Variants in SHANK2 observed in about 807,000 individuals in gnomAD.
SHANK2 encodes SH3 and multiple ankyrin repeat domains protein 2.
Under a neutral mutation model 133.7 loss-of-function variants are expected in SHANK2, and 43 were observed. The ratio of observed to expected loss-of-function variants is 0.32; its 90% CI spans 0.25 to 0.41. The LOEUF is 0.41. Ranked by LOEUF, SHANK2 falls within the 10% of genes least tolerant of loss-of-function variation. SHANK2 has a pLI of 1.00. For synonymous variants in SHANK2, 1,017 were observed against 952.8 expected, an observed-to-expected ratio of 1.07 and a Z score of -1.24; for missense variants, 1,994 against 2,235.8, an observed-to-expected ratio of 0.89 and a Z score of 2.18.
chr11:70,578,067 G>T (rs970675845), intron 17 of SHANK2, among the ~76,000 whole-genome samples: 1 of 152,124 alleles, frequency 6.6e-6, no homozygotes, highest in Non-Finnish European at 1.5e-5. Context: ...CGTGTAAGCC[G>T]CCCAGTCTGT....
At chr11:71,203,176 A>G (rs1351185408) in intron 2 of SHANK2, among the ~76,000 whole-genome samples, 2 of 152,120 alleles carry the variant, frequency 1.3e-5, no homozygotes, top group Non-Finnish European at 2.9e-5. Flanking sequence ...GGGGAGGCGC[A>G]GGGTCTAGGG....
At chr11:70,595,256 G>A (rs1262076808) in intron 17 of SHANK2, among the ~76,000 whole-genome samples, 7 of 152,158 alleles carry the variant, frequency 4.6e-5, no homozygotes, top group African/African-American at 7.2e-5. Context: ...CAGCCCGGCC[G>A]TCCACCCCGA....
chr11:71,086,068 A>AATATATTATGTTATATAATATATT (rs1951401776), intron 8 of SHANK2, among the ~76,000 whole-genome samples: 3 of 64,704 alleles, frequency 4.6e-5, no homozygotes, highest in African/African-American at 1.3e-4. Context: ...TATATTATAT[A>AATATATTATGTTATATAATATATT]ATATATTATG....
intron 17 of SHANK2, among the ~76,000 whole-genome samples, chr11:70,554,692 G>A (rs2059807417): frequency 6.6e-6 from 1 of 151,928 alleles, no homozygotes; most frequent in African/African-American, 2.4e-5. Flanking sequence ...TTGTATATTC[G>A]TTGGTTGTAA....
At chr11:70,595,727 C>T (rs889940746) in intron 17 of SHANK2, among the ~76,000 whole-genome samples, 3 of 152,216 alleles carry the variant, frequency 2.0e-5, no homozygotes, top group Non-Finnish European at 4.4e-5. Flanking sequence ...CCCCGGGTAG[C>T]GGGGGAAGAT....
At chr11:70,880,768 GA>G in intron 11 of SHANK2, among the ~76,000 whole-genome samples, 1 of 152,196 alleles carries the variant, frequency 6.6e-6, no homozygotes, top group Non-Finnish European at 1.5e-5. Context: ...TCCCTCCATA[GA>G]ACAAGGAGGA....
chr11:70,861,032 G>A (rs782510368), intron 11 of SHANK2, among the ~76,000 whole-genome samples: 14 of 152,214 alleles, frequency 9.2e-5, no homozygotes, highest in Non-Finnish European at 1.5e-4. Context: ...GAGCAGCGCT[G>A]GCCTTTCCGG....
intron 1 of SHANK2, among the ~76,000 whole-genome samples, chr11:71,247,160 T>C (rs939522872): frequency 4.6e-5 from 7 of 152,156 alleles, no homozygotes; most frequent in African/African-American, 1.7e-4. Context: ...ACGATGAAAA[T>C]GTCCTAAAGC....
At chr11:71,229,784 A>AAAAAG (rs1327692331) in intron 1 of SHANK2, among the ~76,000 whole-genome samples, 1 of 149,728 alleles carries the variant, frequency 6.7e-6, no homozygotes, top group Non-Finnish European at 1.5e-5. Context: ...AAAAAAAAAG[A>AAAAAG]AAAAGAAAAG....
intron 11 of SHANK2, among the ~76,000 whole-genome samples, chr11:70,837,589 C>A (rs1379449378): frequency 6.6e-6 from 1 of 152,122 alleles, no homozygotes; most frequent in Non-Finnish European, 1.5e-5. Flanking sequence ...CTTATATGGT[C>A]TTTCTCCCCC....
intron 15 of SHANK2, among the ~76,000 whole-genome samples, chr11:70,684,722 G>T (rs1945109102): frequency 6.6e-6 from 1 of 151,924 alleles, no homozygotes; most frequent in African/African-American, 2.4e-5. Context: ...GTGTGACTCA[G>T]TGAGTGCCTG....
intron 14 of SHANK2, among the ~76,000 whole-genome samples, chr11:70,729,532 T>A (rs1165655855): frequency 6.6e-6 from 1 of 151,332 alleles, no homozygotes; most frequent in Admixed American, 6.6e-5. Context: ...CTTCATTTTT[T>A]TTTTTTTTTT....
chr11:70,926,742 G>A (rs1204063272), intron 10 of SHANK2, among the ~76,000 whole-genome samples: 1 of 152,328 alleles, frequency 6.6e-6, no homozygotes, highest in African/African-American at 2.4e-5. Context: ...CCTGCGGGCT[G>A]GATGACTCAG....
intron 17 of SHANK2, among the ~76,000 whole-genome samples, chr11:70,545,917 A>G (rs1015930582): frequency 6.6e-6 from 1 of 151,994 alleles, no homozygotes; most frequent in Non-Finnish European, 1.5e-5. Flanking sequence ...AACCATTCAC[A>G]ATACTCGGGA....
At chr11:71,152,673 T>G (rs1215670901) in intron 2 of SHANK2, among the ~76,000 whole-genome samples, 10 of 152,162 alleles carry the variant, frequency 6.6e-5, no homozygotes, top group Non-Finnish European at 2.9e-5. Context: ...GCTCCAGTGC[T>G]GGGTCTGAAG....
chr11:70,905,279 C>A (rs1950083822), intron 10 of SHANK2, among the ~76,000 whole-genome samples: 1 of 152,198 alleles, frequency 6.6e-6, no homozygotes, highest in African/African-American at 2.4e-5. Flanking sequence ...GCTCCCTAGA[C>A]AGCTCCAGCA....
intron 10 of SHANK2, among the ~76,000 whole-genome samples, chr11:70,901,120 A>T (rs543585319): frequency 6.6e-6 from 1 of 152,272 alleles, no homozygotes; most frequent in Admixed American, 6.5e-5. Context: ...AGAGGGGGAA[A>T]CTGAGGCACA....
intron 17 of SHANK2, among the ~76,000 whole-genome samples, chr11:70,519,236 T>C (rs2059300938): frequency 6.6e-6 from 1 of 152,194 alleles, no homozygotes; most frequent in Admixed American, 6.5e-5. Flanking sequence ...ACTTTCCCTT[T>C]TCAACACTTG....
chr11:70,847,289 C>A (rs80241422), intron 11 of SHANK2, among the ~76,000 whole-genome samples: 1 of 152,168 alleles, frequency 6.6e-6, no homozygotes, highest in South Asian at 2.1e-4. Flanking sequence ...ATGAGGTCCA[C>A]GCCTCCTACC....
Sources: gnomAD v4.1 joint callset for allele counts (sites outside exome capture counted in the v4.1 genomes callset) on GRCh38, gnomAD v4.1.1 for gene constraint, MANE v1.5 for transcripts, NCBI Gene and HGNC (gene_info 2026-07-23, HGNC 2026-07-21) for gene names.